ZNRF3: variants seen among roughly 807,000 people sequenced by gnomAD.
The protein encoded by ZNRF3 is E3 ubiquitin-protein ligase ZNRF3.
In ZNRF3, 23 loss-of-function variants were observed where a neutral mutation model predicts 72.5. The ratio of observed to expected loss-of-function variants is 0.32; its 90% CI spans 0.23 to 0.45. ZNRF3 has a LOEUF of 0.45. Ranked by LOEUF, ZNRF3 falls within the 20% of genes least tolerant of loss-of-function variation. The pLI is 1.00. For missense variants in ZNRF3, 1,169 were observed against 1,272.1 expected, an observed-to-expected ratio of 0.92 and a Z score of 1.23; for synonymous variants, 610 against 545.3, an observed-to-expected ratio of 1.12 and a Z score of -1.65.
intron 1 of ZNRF3, among the ~76,000 whole-genome samples, chr22:28,909,515 A>T (rs192761360): frequency 1.3e-5 from 2 of 152,058 alleles, no homozygotes; most frequent in Admixed American, 6.6e-5. Context: ...TCAGGTCTGC[A>T]TGCTTATCTT....
chr22:29,019,548 A>G (rs930148033), intron 2 of ZNRF3, among the ~76,000 whole-genome samples: 2 of 152,222 alleles, frequency 1.3e-5, no homozygotes, highest in African/African-American at 4.8e-5. Context: ...AGCGATTACT[A>G]AAGAAATTGA....
At chr22:29,043,226 C>G (rs1215244698) in intron 3 of ZNRF3, 73 bp from the exon 4 acceptor site, 1 of 1,533,188 alleles carries the variant, frequency 6.5e-7, no homozygotes, top group Admixed American at 2.0e-5. Flanking sequence ...TTCCTTCCCT[C>G]CAGCCTTTCT....
chr22:29,057,155 C>G lies in ZNRF3; in HGVS notation c.*3533C>G, dbSNP rs750300317. 6.6e-6 allele frequency: 1 copy of G among 152,066 alleles called. No individual in the cohort carries two copies. Among genetic ancestry groups the G allele is most frequent in the Admixed American group, 6.5e-5 (1 of 15,272 alleles). 9.4% of individuals were successfully genotyped at this position (152,066 alleles called of 1,614,324 possible). A position where few individuals can be genotyped will look rare whatever the true frequency, so the allele number is the denominator to read the frequency against. ...TCTAAGGGCTCTTTTTCCAACATTACCATTTTTAAAAAATGTTTTAAAAGC... is the reference window on the plus strand; with the variant it reads ...TCTAAGGGCTCTTTTTCCAACATTAGCATTTTTAAAAAATGTTTTAAAAGC... On this transcript the variant is annotated 3_prime_UTR_variant, in exon 9 of 9. Coordinates refer to ENST00000544604, the MANE Select transcript of ZNRF3 (RefSeq NM_001206998.2).
rs2037299250 is a variant in ZNRF3 at position 29,056,382 on chromosome 22, T to G, written c.*2760T>G. The G allele has an allele frequency of 6.6e-6, 1 of 152,260 alleles. No individual in the cohort carries two copies. 9.4% of individuals were successfully genotyped at this position (152,260 alleles called of 1,614,324 possible). ...TCCCAAAGTGCTGGGATTACAGGCGTGAGCCACCATGCCTGCCCAGCAATA... is the reference window on the plus strand; with the variant it reads ...TCCCAAAGTGCTGGGATTACAGGCGGGAGCCACCATGCCTGCCCAGCAATA... On this transcript the variant is annotated 3_prime_UTR_variant, in exon 9 of 9. Transcript: ENST00000544604.
intron 1 of ZNRF3, among the ~76,000 whole-genome samples, chr22:28,947,051 G>A (rs2035065398): frequency 6.6e-6 from 1 of 152,152 alleles, no homozygotes; most frequent in Non-Finnish European, 1.5e-5. Context: ...ACTTCTATTG[G>A]GCTCATCATT....
At chr22:28,908,640 A>G (rs1488918510) in intron 1 of ZNRF3, among the ~76,000 whole-genome samples, 2 of 152,184 alleles carry the variant, frequency 1.3e-5, no homozygotes, top group African/African-American at 4.8e-5. Context: ...CAGAAGCAAA[A>G]TCCATTCTGC....
chr22:28,928,490 CTTTTTTTTT>C (rs10710766), intron 1 of ZNRF3, among the ~76,000 whole-genome samples: 2 of 80,602 alleles, frequency 2.5e-5, no homozygotes, highest in Non-Finnish European at 5.1e-5. Flanking sequence ...CCAGAAATGT[CTTTTTTTTT>C]TTTTTTTTTT....
intron 1 of ZNRF3, among the ~76,000 whole-genome samples, chr22:28,918,804 C>G (rs1392298168): frequency 6.7e-6 from 1 of 148,394 alleles, no homozygotes; most frequent in Non-Finnish European, 1.5e-5. Flanking sequence ...TGCCACTGAT[C>G]CCATCTCTGA....
rs902079044 is a variant in ZNRF3, at chr22:29,001,754, G to A, written c.426+14553G>A. Among the ~76,000 whole-genome samples the A allele has an allele frequency of 9.2e-5, 14 of 152,216 alleles. No individual in the cohort carries two copies. The South Asian group carries it at 2.7e-3, about 29-fold the overall frequency. Reference sequence around the variant, plus strand: ...TCCCAAAGTGCTGGGATTACAGTGAGCCACCGCGCCCAGCCAAAAGTTTTT... The same window carrying A: ...TCCCAAAGTGCTGGGATTACAGTGAACCACCGCGCCCAGCCAAAAGTTTTT... On this transcript the variant is annotated intron_variant, in intron 2 of 8. Coordinates refer to ENST00000544604, the MANE Select transcript of ZNRF3 (RefSeq NM_001206998.2).
chr22:29,022,896 C>T (rs544527532), intron 2 of ZNRF3, among the ~76,000 whole-genome samples: 1 of 152,180 alleles, frequency 6.6e-6, no homozygotes, highest in South Asian at 2.1e-4. Context: ...GTATGGGGTA[C>T]AAGTATAATT....
intron 1 of ZNRF3, among the ~76,000 whole-genome samples, chr22:28,950,560 A>G (rs1468935093): frequency 6.6e-6 from 1 of 152,236 alleles, no homozygotes; most frequent in Non-Finnish European, 1.5e-5. Flanking sequence ...TCTAACAAGA[A>G]AAGCACCTCT....
At chr22:28,929,137 G>T (rs566573921) in intron 1 of ZNRF3, among the ~76,000 whole-genome samples, 1 of 152,344 alleles carries the variant, frequency 6.6e-6, no homozygotes, top group East Asian at 1.9e-4. Context: ...CTTGCTGAGA[G>T]ATTTGGAGTT....
chr22:29,028,348 A>AG (rs1302817800), intron 2 of ZNRF3, among the ~76,000 whole-genome samples: 4 of 152,154 alleles, frequency 2.6e-5, no homozygotes, highest in Non-Finnish European at 4.4e-5. Context: ...CAGCAAGGGG[A>AG]GAAAAAAAAT....
chr22:28,946,721 C>T (rs2035058627), intron 1 of ZNRF3, among the ~76,000 whole-genome samples: 2 of 152,120 alleles, frequency 1.3e-5, no homozygotes, highest in Admixed American at 1.3e-4. Flanking sequence ...TGTCTAGGAG[C>T]ATCAGAGTGG....
In ZNRF3 at chr22:29,050,879, G is replaced by A. The variant is rs1404645228; in HGVS notation, c.2698G>A (p.Val900Ile). ...CTGCCCTCCGGAGGAGGCGGGTGCT[G>A]TCAGGGCCAACTTCCCTAGTGCCCT... ...PGCPPEEAGA[V>I]RANFPSALQD... The change falls in exon 8 of 9, where the codon GTC (valine) becomes ATC (isoleucine). Residue 900 changes from valine to isoleucine, a missense_variant. By Grantham distance (29) the Val-to-Ile change is conservative. Coordinates refer to ENST00000544604, the MANE Select transcript of ZNRF3 (RefSeq NM_001206998.2). 3 of 1,588,916 alleles carry A rather than the reference G, an allele frequency of 1.9e-6. No homozygotes were observed. Among genetic ancestry groups the A allele is most frequent in the South Asian group, 1.1e-5 (1 of 88,798 alleles).
At chr22:28,990,177 C>A (rs1206334846) in intron 2 of ZNRF3, among the ~76,000 whole-genome samples, 2 of 152,194 alleles carry the variant, frequency 1.3e-5, no homozygotes, top group Non-Finnish European at 2.9e-5. Flanking sequence ...GCTTTCTGAG[C>A]CTCTCTCCTG....
At chr22:28,922,488 A>G (rs983406018) in intron 1 of ZNRF3, among the ~76,000 whole-genome samples, 1 of 152,172 alleles carries the variant, frequency 6.6e-6, no homozygotes, top group Non-Finnish European at 1.5e-5. Flanking sequence ...TCGCACTGTT[A>G]CAATTGTGTT....
intron 1 of ZNRF3, 66 bp from the exon 2 acceptor site, chr22:28,987,010 A>G: frequency 6.5e-7 from 1 of 1,544,142 alleles, no homozygotes; most frequent in South Asian, 1.3e-5. Flanking sequence ...TCTGAGAAAT[A>G]CACAATATGA....
chr22:28,915,064 C>T (rs765291751), intron 1 of ZNRF3, among the ~76,000 whole-genome samples: 4 of 152,144 alleles, frequency 2.6e-5, no homozygotes, highest in African/African-American at 4.8e-5. Context: ...TACACTGAAC[C>T]AAATTTCTTC....
Sources: gnomAD v4.1 joint callset for allele counts (sites outside exome capture counted in the v4.1 genomes callset) on GRCh38, gnomAD v4.1.1 for gene constraint, MANE v1.5 for transcripts, NCBI Gene and HGNC (gene_info 2026-07-23, HGNC 2026-07-21) for gene names.